The following DAB1 variants were observed in gnomAD, a reference collection of about 807,000 sequenced individuals.
DAB1 encodes the protein disabled homolog 1.
DAB1 carries 15 observed loss-of-function variants against 64.6 expected under a neutral mutation model. The ratio of observed to expected loss-of-function variants is 0.23; its 90% confidence interval spans 0.16 to 0.36. The LOEUF (loss-of-function observed/expected upper bound fraction) is 0.36, where lower values mean the gene tolerates loss of function less well. Ranked by LOEUF, DAB1 falls within the 10% of genes least tolerant of loss-of-function variation. The probability of loss-of-function intolerance (pLI) is 1.00; values close to 1 mark genes in which losing one functional copy is unlikely to be tolerated. For missense variants in DAB1, 596 were observed against 706.7 expected, an observed-to-expected ratio of 0.84 and a Z score of 1.78; for synonymous variants, 235 against 251.9, an observed-to-expected ratio of 0.93 and a Z score of 0.64.
At chr1:57,273,617 TCCCTCCCTCCC>T (rs1671222939) in intron 2 of DAB1, among the ~76,000 whole-genome samples, 1 of 96,296 alleles carries the variant, frequency 1.0e-5, no homozygotes, top group Non-Finnish European at 2.0e-5. Flanking sequence ...CTTCCTTCCC[TCCCTCCCTCCC>T]TCCCTCCCTC....
intron 1 of DAB1, among the ~76,000 whole-genome samples, chr1:57,328,832 T>C (rs1371444888): frequency 2.0e-5 from 3 of 152,316 alleles, no homozygotes; most frequent in Non-Finnish European, 2.9e-5. Context: ...CATCTGCCCA[T>C]GTGGCATGTG....
At chr1:57,912,337 C>T (rs1352376527) in intron 5 of DAB1, among the ~76,000 whole-genome samples, 1 of 146,148 alleles carries the variant, frequency 6.8e-6, no homozygotes, top group Non-Finnish European at 1.5e-5. Flanking sequence ...ACTGATCTTT[C>T]CAACACCTGG....
chr1:57,829,722 C>T (rs998717098), intron 1 of DAB1, among the ~76,000 whole-genome samples: 6 of 152,142 alleles, frequency 3.9e-5, no homozygotes, highest in African/African-American at 1.2e-4. Context: ...TTGCTCAGCC[C>T]GCCCCCTTCC....
intron 2 of DAB1, among the ~76,000 whole-genome samples, chr1:57,286,312 C>T (rs755800788): frequency 3.9e-5 from 6 of 152,040 alleles, no homozygotes; most frequent in Non-Finnish European, 7.4e-5. Context: ...ATTCTTTTTT[C>T]AGGAGTTAAA....
chr1:57,508,318 G>A (rs2101340051), intron 7 of DAB1, among the ~76,000 whole-genome samples: 1 of 152,258 alleles, frequency 6.6e-6, no homozygotes, highest in East Asian at 1.9e-4. Context: ...GTTGTTAACT[G>A]TTGAACTCGA....
chr1:58,485,323 C>T (rs1645559614), intron 3 of DAB1, among the ~76,000 whole-genome samples: 1 of 139,732 alleles, frequency 7.2e-6, no homozygotes, highest in African/African-American at 2.6e-5. Context: ...GCTCTACATG[C>T]TTTTTGTGCT....
intron 6 of DAB1, among the ~76,000 whole-genome samples, chr1:57,685,039 G>A (rs1646679452): frequency 1.3e-5 from 2 of 151,210 alleles, no homozygotes; most frequent in Admixed American, 1.3e-4. Flanking sequence ...TGCAACCTAT[G>A]CCTCCCAGGT....
intron 1 of DAB1, among the ~76,000 whole-genome samples, chr1:57,326,272 T>G (rs1002787451): frequency 7.9e-5 from 12 of 152,328 alleles, no homozygotes; most frequent in East Asian, 3.9e-4. Context: ...AACCTTTGGA[T>G]CAGATGAAAT....
chr1:57,031,797 T>A (rs1466790022), intron 9 of DAB1, among the ~76,000 whole-genome samples: 1 of 152,230 alleles, frequency 6.6e-6, no homozygotes, highest in Non-Finnish European at 1.5e-5. Context: ...GCTTGAGATG[T>A]CTATTTGCCA....
At chr1:58,300,635 AG>A (rs1557726206) in intron 4 of DAB1, among the ~76,000 whole-genome samples, 3,562 of 73,076 alleles carry the variant, frequency 0.049, 267 homozygotes, top group Non-Finnish European at 0.072. Flanking sequence ...AGAGAGAGAG[AG>A]AGAGAGAGAG....
chr1:58,461,276 T>C (rs1448154402), intron 3 of DAB1, among the ~76,000 whole-genome samples: 2 of 152,218 alleles, frequency 1.3e-5, no homozygotes, highest in South Asian at 4.1e-4. Context: ...GAAATATATA[T>C]ACATTGGTAC....
chr1:57,358,312 G>A (rs745701630), intron 1 of DAB1, among the ~76,000 whole-genome samples: 1 of 151,854 alleles, frequency 6.6e-6, no homozygotes, highest in South Asian at 2.1e-4. Flanking sequence ...ATTGTGTTGA[G>A]GTATATTTCT....
intron 5 of DAB1, among the ~76,000 whole-genome samples, chr1:58,016,373 A>C (rs939823021): frequency 2.6e-5 from 4 of 152,172 alleles, no homozygotes; most frequent in African/African-American, 9.7e-5. Flanking sequence ...CCATTTAAGT[A>C]ATCCTGAGTC....
intron 2 of DAB1, among the ~76,000 whole-genome samples, chr1:58,518,567 T>C (rs887115143): frequency 6.6e-6 from 1 of 151,706 alleles, no homozygotes; most frequent in Admixed American, 6.6e-5. Flanking sequence ...ATATATTTTA[T>C]AGATAGAACT....
chr1:57,389,294 G>A (rs1682139635), intron 1 of DAB1, among the ~76,000 whole-genome samples: 1 of 152,150 alleles, frequency 6.6e-6, no homozygotes, highest in Admixed American at 6.5e-5. Context: ...ATTCCCAGCT[G>A]ACAAGGTTTC....
intron 2 of DAB1, among the ~76,000 whole-genome samples, chr1:57,245,402 GCTATTTCTC>G (rs1668790490): frequency 6.6e-6 from 1 of 152,094 alleles, no homozygotes; most frequent in Non-Finnish European, 1.5e-5. Context: ...ACTTACATTA[GCTATTTCTC>G]CTAATGCTAT....
intron 2 of DAB1, among the ~76,000 whole-genome samples, chr1:57,190,545 T>A (rs761300664): frequency 3.3e-5 from 5 of 152,164 alleles, no homozygotes; most frequent in Non-Finnish European, 5.9e-5. Flanking sequence ...CTCCAGCCTG[T>A]TCAGGTGAAT....
At chr1:58,123,016 C>T (rs1652842379) in intron 5 of DAB1, among the ~76,000 whole-genome samples, 1 of 152,146 alleles carries the variant, frequency 6.6e-6, no homozygotes, top group Admixed American at 6.6e-5. Flanking sequence ...TATCTTCATT[C>T]TGCTTCCCTA....
intron 6 of DAB1, among the ~76,000 whole-genome samples, chr1:57,735,047 C>T (rs893243749): frequency 2.0e-5 from 3 of 152,172 alleles, no homozygotes; most frequent in Non-Finnish European, 4.4e-5. Flanking sequence ...GAATTCAATG[C>T]CTCCCATTTC....
Sources: allele counts gnomAD v4.1 joint callset (sites outside exome capture counted in the v4.1 genomes callset), GRCh38; gene constraint gnomAD v4.1.1; transcripts MANE v1.5; gene names NCBI Gene and HGNC (gene_info 2026-07-23, HGNC 2026-07-21).